Variants in ZIC1 observed in about 807,000 individuals in gnomAD.
The protein encoded by ZIC1 is zinc finger protein ZIC 1.
A neutral mutation model predicts 30.9 loss-of-function variants in ZIC1; 4 were observed. That is an observed-to-expected ratio of 0.13 (90% CI 0.06 to 0.30). The LOEUF is 0.30. Among genes scored for constraint, ZIC1 ranks in the 10% least tolerant of loss-of-function variants. The pLI, the probability that ZIC1 is intolerant of heterozygous loss-of-function variation, is 1.00. For synonymous variants in ZIC1, 305 were observed against 277.5 expected, an observed-to-expected ratio of 1.10 and a Z score of -0.98; for missense variants, 441 against 639.3, an observed-to-expected ratio of 0.69 and a Z score of 3.34.
Position 147,416,184 on chromosome 3 carries a change from A to T in ZIC1, c.*2633A>T, listed in dbSNP as rs1450927000. ...AAGTGACTCCAGACATTAGGTCCAGACATTAGTTAAAAATAGAAAGAGGAA... is the reference window on the plus strand; with the variant it reads ...AAGTGACTCCAGACATTAGGTCCAGTCATTAGTTAAAAATAGAAAGAGGAA... On this transcript the variant is annotated 3_prime_UTR_variant, in exon 3 of 3. Transcript: ENST00000282928. 1 of 152,232 alleles carries T rather than the reference A, an allele frequency of 6.6e-6. No homozygotes were observed. Among genetic ancestry groups the T allele is most frequent in the Non-Finnish European group, 1.5e-5 (1 of 68,030 alleles). The allele number at this position is 152,232 out of a possible 1,614,324, so 9.4% of individuals were successfully genotyped here. A position where few individuals can be genotyped will look rare whatever the true frequency, so the allele number is the denominator to read the frequency against.
Position 147,414,870 on chromosome 3 carries a change from C to T in ZIC1, c.*1319C>T, listed in dbSNP as rs143670683. ...CAGGCGACATCAATATTAATGTAGACGAATTGTCAGAAGCTCAGGGGCTCG... is the reference window on the plus strand; with the variant it reads ...CAGGCGACATCAATATTAATGTAGATGAATTGTCAGAAGCTCAGGGGCTCG... On this transcript the variant is annotated 3_prime_UTR_variant, in exon 3 of 3. Transcript: ENST00000282928. The T allele has an allele frequency of 3.7e-4, 57 of 152,668 alleles. No individual in the cohort carries two copies. The highest frequency in any genetic ancestry group is 1.4e-3 in the African/African-American group (57 of 41,544). 9.5% of individuals were successfully genotyped at this position (152,668 alleles called of 1,614,324 possible).
rs1453686726 is a variant in ZIC1, at chr3:147,414,306, C to T, written c.*755C>T. On this transcript the variant is annotated 3_prime_UTR_variant, in exon 3 of 3. Coordinates refer to ENST00000282928, the MANE Select transcript of ZIC1 (RefSeq NM_003412.4). ...TTCGTATAGTACGAGCCTGGATCTG[C>T]GTGTCAAACTGTTCCATTTGTTTAT... 3 of 152,412 alleles carry T rather than the reference C, an allele frequency of 2.0e-5. No homozygotes were observed. Among genetic ancestry groups the T allele is most frequent in the South Asian group, 2.1e-4 (1 of 4,814 alleles). The allele number at this position is 152,412 out of a possible 1,614,324, so 9.4% of individuals were successfully genotyped here.
chr3:147,411,948 G>A (rs1014149699), intron 1 of ZIC1, among the ~76,000 whole-genome samples: 1 of 152,114 alleles, frequency 6.6e-6, no homozygotes. Context: ...GATTTTCCCG[G>A]GTGAGATCTG....
chr3:147,412,707 C>T (rs774442387), intron 2 of ZIC1, 26 bp downstream of exon 2: 1 of 1,597,496 alleles, frequency 6.3e-7, no homozygotes, highest in South Asian at 1.1e-5. Context: ...TCGTCGCCCC[C>T]TTTGAGGCAG....
chr3:147,410,663 C>A lies in ZIC1; in HGVS notation c.551C>A (p.Pro184Gln). ...RPEQYGQVTS[P>Q]RSEHYAAPQL... Reference sequence around the variant, plus strand: ...GAGCAGTACGGCCAGGTGACCAGCCCGCGTTCGGAGCACTATGCTGCGCCG... The same window carrying A: ...GAGCAGTACGGCCAGGTGACCAGCCAGCGTTCGGAGCACTATGCTGCGCCG... Residue 184 changes from proline (P) to glutamine (Q), a missense_variant, in exon 1 of 3, where the codon CCG (proline) becomes CAG (glutamine). This residue lies in a region of ZIC1 where 307 missense variants were observed against 355.3 expected (regional missense o/e 0.86). Transcript: ENST00000282928. 1 of 1,613,814 alleles carries A rather than the reference C, an allele frequency of 6.2e-7. No individual in the cohort carries two copies. Among genetic ancestry groups the A allele is most frequent in the Non-Finnish European group, 8.5e-7 (1 of 1,179,936 alleles).
In ZIC1 at chr3:147,416,407, T is replaced by A. The variant is rs2087434783; in HGVS notation, c.*2856T>A. 1 of 152,242 alleles carries A rather than the reference T, an allele frequency of 6.6e-6. No individual in the cohort carries two copies. Among genetic ancestry groups the A allele is most frequent in the Admixed American group, 6.5e-5 (1 of 15,292 alleles). 9.4% of individuals were successfully genotyped at this position (152,242 alleles called of 1,614,324 possible). On this transcript the variant is annotated 3_prime_UTR_variant, in exon 3 of 3. Coordinates refer to ENST00000282928, the MANE Select transcript of ZIC1 (RefSeq NM_003412.4). ...TCATCTTTTCTTCGAACATTCCTAT[T>A]CCTAGATGTAGTTTACCTCAAATTG...
rs2087424291 is a variant in ZIC1, at chr3:147,415,293, C to T, written c.*1742C>T. 6.6e-6 allele frequency: 1 copy of T among 152,588 alleles called. No homozygotes were observed. Among genetic ancestry groups the T allele is most frequent in the African/African-American group, 2.4e-5 (1 of 41,424 alleles). 9.5% of individuals were successfully genotyped at this position (152,588 alleles called of 1,614,324 possible). ...TTATTTCTCATTTACTTAAGAAATT[C>T]GTTCCATTGGTTGGCATTGATACAG... On this transcript the variant is annotated 3_prime_UTR_variant, in exon 3 of 3. Transcript: ENST00000282928.
chr3:147,412,723 C>G (rs756444814), intron 2 of ZIC1, 42 bp downstream of exon 2: 20 of 1,589,580 alleles, frequency 1.3e-5, no homozygotes, highest in Non-Finnish European at 1.7e-5. Flanking sequence ...GGCAGGAGCT[C>G]TCTTGGCTCT....
chr3:147,412,213 T>G (rs987723749), intron 1 of ZIC1, among the ~76,000 whole-genome samples: 5 of 152,162 alleles, frequency 3.3e-5, no homozygotes, highest in Admixed American at 3.3e-4. Context: ...CGAAATCGTG[T>G]GTAGCTCTGG....
Position 147,410,863 on chromosome 3 carries a change from G to T in ZIC1, c.751G>T (p.Glu251Ter). 1 of 1,614,266 alleles carries T rather than the reference G, an allele frequency of 6.2e-7. No homozygotes were observed. Among genetic ancestry groups the T allele is most frequent in the Non-Finnish European group, 8.5e-7 (1 of 1,180,040 alleles). Residue 251 changes from glutamate to a stop codon, truncating the protein, a stop_gained, in exon 1 of 3, where the codon GAG (glutamate) becomes TAG (stop). Coordinates refer to ENST00000282928, the MANE Select transcript of ZIC1 (RefSeq NM_003412.4). LOFTEE classifies it high-confidence loss of function. ...SCNKTFSTMH[E>*]LVTHVTVEHV... ...CAACAAAACTTTCAGCACCATGCAC[G>T]AGCTAGTTACGCACGTCACCGTGGA... is the stretch of plus-strand genomic sequence containing the variant.
chr3:147,410,448 G>C lies in ZIC1; in HGVS notation c.336G>C (p.Ala112=), dbSNP rs763182380. ...ACCGGGGTTTTGGCGACGCGGCGGC[G>C]GCAGCCAGCGCACAGCACAGCCTCT... ...FRNRGFGDAA[A]AASAQHSLFA... The change falls in exon 1 of 3, where the codon GCG becomes GCC. Residue 112 remains alanine (A), a synonymous_variant. Transcript: ENST00000282928. 1 of 1,603,658 alleles carries C rather than the reference G, an allele frequency of 6.2e-7. No homozygotes were observed. The highest frequency in any genetic ancestry group is 1.1e-5 in the South Asian group (1 of 91,000).
In ZIC1 at chr3:147,415,804, A is replaced by G. The variant is rs1326996052; in HGVS notation, c.*2253A>G. 3 of 152,220 alleles carry G rather than the reference A, an allele frequency of 2.0e-5. No homozygotes were observed. The highest frequency in any genetic ancestry group is 4.4e-5 in the Non-Finnish European group (3 of 68,030). The allele number at this position is 152,220 out of a possible 1,614,324, so 9.4% of individuals were successfully genotyped here. ...GTTTATACCATTGGCCAATTACAAG[A>G]TAAAAATGTTCAATTTCTTTAAGAA... On this transcript the variant is annotated 3_prime_UTR_variant, in exon 3 of 3. Transcript: ENST00000282928.
intron 1 of ZIC1, 92 bp downstream of exon 1, chr3:147,411,186 C>G: frequency 2.7e-6 from 4 of 1,503,952 alleles, no homozygotes; most frequent in Non-Finnish European, 3.5e-6. Flanking sequence ...AACGCAGCCT[C>G]GGTGGGATCC....
chr3:147,411,137 C>A, intron 1 of ZIC1, 43 bp downstream of exon 1: 1 of 1,565,620 alleles, frequency 6.4e-7, no homozygotes, highest in Admixed American at 1.9e-5. Context: ...CCCACTTGGG[C>A]CTGGGACCCA....
chr3:147,413,231 G>A, intron 2 of ZIC1, 123 bp from the exon 3 acceptor site: 1 of 1,009,234 alleles, frequency 9.9e-7, no homozygotes, highest in East Asian at 2.6e-5. Flanking sequence ...CGCTGATCGG[G>A]CCTCACCTGT....
Position 147,411,009 on chromosome 3 carries a change from G to C in ZIC1, c.897G>C (p.Glu299Asp). 1 of 1,614,220 alleles carries C rather than the reference G, an allele frequency of 6.2e-7. No individual in the cohort carries two copies. The highest frequency in any genetic ancestry group is 2.2e-5 in the East Asian group (1 of 44,874). ...LVNHIRVHTG[E>D]KPFPCPFPGC... ...ACCACATCCGCGTGCACACGGGCGA[G>C]AAGCCCTTTCCCTGCCCCTTCCCTG... The change falls in exon 1 of 3, where the codon GAG becomes GAC. Residue 299 changes from glutamate (E) to aspartate (D), a missense_variant. This residue lies in a region of ZIC1 where 14 missense variants were observed against 99.8 expected (regional missense o/e 0.14). Coordinates refer to ENST00000282928, the MANE Select transcript of ZIC1 (RefSeq NM_003412.4).
Position 147,410,361 on chromosome 3 carries a change from G to A in ZIC1, c.249G>A (p.Pro83=). 3 of 1,601,110 alleles carry A rather than the reference G, an allele frequency of 1.9e-6. 1 individual carries two copies. The highest frequency in any genetic ancestry group is 2.2e-5 in the South Asian group (2 of 91,002). The part of the protein sequence containing the change: ...AAAALGHHHH[P]GHVGSYSSAA... ...CGGCCCTGGGCCATCACCATCACCC[G>A]GGCCACGTCGGCTCCTATTCCAGCG... The change falls in exon 1 of 3, where the codon CCG becomes CCA. Residue 83 remains proline, a synonymous_variant. Transcript: ENST00000282928.
Position 147,413,517 on chromosome 3 carries a change from C to G in ZIC1, c.1310C>G (p.Ala437Gly). The G allele has an allele frequency of 6.2e-7, 1 of 1,614,100 alleles. No homozygotes were observed. The highest frequency in any genetic ancestry group is 8.5e-7 in the Non-Finnish European group (1 of 1,180,016). ...SAVHHTAGHS[A>G]LSSNFNEWYV ...GTCCACCACACAGCCGGCCACAGTG[C>G]GCTCTCTTCCAATTTTAACGAATGG... The change falls in exon 3 of 3, where the codon GCG becomes GGG. Residue 437 changes from alanine to glycine, a missense_variant. By Grantham distance (60) the Ala-to-Gly change is moderately conservative (BLOSUM62 0). Around this residue, in one of 5 missense-constraint regions of ZIC1, gnomAD observed 56 missense variants for 52.5 expected, o/e 1.07. Coordinates refer to ENST00000282928, the MANE Select transcript of ZIC1 (RefSeq NM_003412.4).
At position 147,413,696 on chromosome 3, in the gene ZIC1, A is replaced by C; in HGVS notation, c.*145A>C. ...TTTTAAAAAATCTGCCAATAGACCC[A>C]GGACGAGTAAGAGAGGAAGCATCAA... On this transcript the variant is annotated 3_prime_UTR_variant, in exon 3 of 3. Transcript: ENST00000282928. The C allele has an allele frequency of 1.1e-6, 1 of 875,698 alleles. No individual in the cohort carries two copies. Among genetic ancestry groups the C allele is most frequent in the Middle Eastern group, 2.5e-4 (1 of 4,046 alleles). 54.2% of individuals were successfully genotyped at this position (875,698 alleles called of 1,614,324 possible). A position where few individuals can be genotyped will look rare whatever the true frequency, so the allele number is the denominator to read the frequency against.
Sources: gnomAD v4.1 joint callset for allele counts (sites outside exome capture counted in the v4.1 genomes callset) on GRCh38, gnomAD v4.1.1 for gene constraint, gnomAD v4.1.1 regional missense constraint, MANE v1.5 for transcripts, NCBI Gene and HGNC (gene_info 2026-07-23, HGNC 2026-07-21) for gene names.